KIAA0825: variants seen among roughly 807,000 people sequenced by gnomAD.
KIAA0825 encodes uncharacterized protein KIAA0825.
KIAA0825 carries 119 observed loss-of-function variants against 147.6 expected under a neutral mutation model. That is an observed-to-expected ratio of 0.81 (90% CI 0.69 to 0.94). The LOEUF (loss-of-function observed/expected upper bound fraction) is 0.94, where lower values mean the gene tolerates loss of function less well. Ranked by LOEUF, KIAA0825 falls within the 40% of genes least tolerant of loss-of-function variation. The pLI, the probability that KIAA0825 is intolerant of heterozygous loss-of-function variation, is 0.00. For synonymous variants in KIAA0825, 470 were observed against 518.1 expected, an observed-to-expected ratio of 0.91 and a Z score of 1.26; for missense variants, 1,381 against 1,472.7, an observed-to-expected ratio of 0.94 and a Z score of 1.02.
At chr5:94,612,484 T>G (rs1311003574) in intron 1 of KIAA0825, among the ~76,000 whole-genome samples, 5 of 152,142 alleles carry the variant, frequency 3.3e-5, no homozygotes, top group African/African-American at 1.2e-4. Context: ...CTGTCAGACG[T>G]GCATTGAGGC....
chr5:94,579,007 C>A lies in KIAA0825; in HGVS notation c.-2+3426G>T, dbSNP rs556871028. Among the ~76,000 whole-genome samples, 147 of 152,288 alleles carry A rather than the reference C, an allele frequency of 9.7e-4. 1 individual carries two copies. Among genetic ancestry groups the A allele is most frequent in the African/African-American group, 3.4e-3 (142 of 41,558 alleles). Reference sequence around the variant, plus strand: ...TGGTCTTGGCTCACTGCAACCTCTGCCTCCTGGGTTCAAGCGATTCTCCTG... The same window carrying A: ...TGGTCTTGGCTCACTGCAACCTCTGACTCCTGGGTTCAAGCGATTCTCCTG... On this transcript the variant is annotated intron_variant, in intron 2 of 20. Coordinates refer to ENST00000682413, the MANE Select transcript of KIAA0825 (RefSeq NM_001145678.3).
chr5:94,265,457 C>G (rs2150136574), intron 20 of KIAA0825, among the ~76,000 whole-genome samples: 1 of 152,266 alleles, frequency 6.6e-6, no homozygotes, highest in South Asian at 2.1e-4. Context: ...AGTGGGATCA[C>G]TCTACTAGTA....
intron 2 of KIAA0825, chr5:94,569,663 A>C (rs1429674561): frequency 2.0e-5 from 7 of 349,718 alleles, no homozygotes; most frequent in Non-Finnish European, 2.7e-5. Flanking sequence ...CGCCTGCCTA[A>C]CCATTCAAAT....
intron 20 of KIAA0825, among the ~76,000 whole-genome samples, chr5:94,261,540 TAAG>T (rs1036492968): frequency 1.3e-5 from 2 of 152,044 alleles, no homozygotes; most frequent in African/African-American, 4.8e-5. Flanking sequence ...GATTGAGAGA[TAAG>T]AAAACAAGAA....
At chr5:94,369,408 G>C (rs1173681860) in intron 20 of KIAA0825, among the ~76,000 whole-genome samples, 2 of 152,076 alleles carry the variant, frequency 1.3e-5, no homozygotes, top group Non-Finnish European at 2.9e-5. Flanking sequence ...ACTTTGCCTT[G>C]ACATATTTAC....
intron 2 of KIAA0825, among the ~76,000 whole-genome samples, chr5:94,557,235 C>CA (rs1776701861): frequency 6.6e-6 from 1 of 152,218 alleles, no homozygotes; most frequent in African/African-American, 2.4e-5. Context: ...ACCTCAGACT[C>CA]CTCCTAACTG....
intron 20 of KIAA0825, among the ~76,000 whole-genome samples, chr5:94,184,593 C>A (rs2149985332): frequency 6.6e-6 from 1 of 152,250 alleles, no homozygotes. Context: ...TTCAACAAAA[C>A]CTCCTATACT....
chr5:94,458,562 G>C (rs1209050952), intron 12 of KIAA0825, among the ~76,000 whole-genome samples: 1 of 151,948 alleles, frequency 6.6e-6, no homozygotes, highest in Non-Finnish European at 1.5e-5. Context: ...GGCTCTTTTG[G>C]GGTATTTTAA....
intron 2 of KIAA0825, among the ~76,000 whole-genome samples, chr5:94,556,187 G>A (rs1718776783): frequency 6.6e-6 from 1 of 151,960 alleles, no homozygotes; most frequent in African/African-American, 2.4e-5. Flanking sequence ...CTAGTAGCTG[G>A]GATTACAGGT....
intron 1 of KIAA0825, among the ~76,000 whole-genome samples, chr5:94,616,205 C>T (rs1194550246): frequency 6.6e-6 from 1 of 152,174 alleles, no homozygotes; most frequent in Non-Finnish European, 1.5e-5. Flanking sequence ...TAATCAAATA[C>T]ACATTAGTAT....
At chr5:94,249,618 T>A (rs1775836651) in intron 20 of KIAA0825, among the ~76,000 whole-genome samples, 1 of 152,030 alleles carries the variant, frequency 6.6e-6, no homozygotes, top group Non-Finnish European at 1.5e-5. Context: ...ACCCCAGGGC[T>A]CTGATAACCT....
chr5:94,323,436 A>G (rs765511235), intron 20 of KIAA0825, among the ~76,000 whole-genome samples: 17 of 151,708 alleles, frequency 1.1e-4, no homozygotes, highest in Non-Finnish European at 2.1e-4. Flanking sequence ...TGTCTCTCCA[A>G]TCTCTCAGCA....
chr5:94,287,207 C>T (rs1431298056), intron 20 of KIAA0825, among the ~76,000 whole-genome samples: 1 of 152,194 alleles, frequency 6.6e-6, no homozygotes, highest in African/African-American at 2.4e-5. Flanking sequence ...TACTACGTTA[C>T]CTTCAGCTAC....
intron 20 of KIAA0825, among the ~76,000 whole-genome samples, chr5:94,219,795 C>T (rs1387028634): frequency 6.6e-6 from 1 of 152,110 alleles, no homozygotes; most frequent in East Asian, 1.9e-4. Flanking sequence ...AGGGCACTTA[C>T]CATGAATAGG....
chr5:94,516,246 G>A (rs1389606631), intron 5 of KIAA0825, among the ~76,000 whole-genome samples: 2 of 152,170 alleles, frequency 1.3e-5, no homozygotes, highest in Non-Finnish European at 2.9e-5. Flanking sequence ...TGAATTAGTG[G>A]CAGACAGAAT....
intron 20 of KIAA0825, among the ~76,000 whole-genome samples, chr5:94,176,461 C>T (rs1193720693): frequency 6.6e-6 from 1 of 152,124 alleles, no homozygotes; most frequent in Non-Finnish European, 1.5e-5. Flanking sequence ...GGTGGAGACA[C>T]CCCCATCAGT....
chr5:94,508,082 T>C (rs1765978115), intron 5 of KIAA0825, among the ~76,000 whole-genome samples: 1 of 152,206 alleles, frequency 6.6e-6, no homozygotes, highest in Non-Finnish European at 1.5e-5. Context: ...CTTAGTTTTA[T>C]AGGCACCAGT....
intron 5 of KIAA0825, among the ~76,000 whole-genome samples, chr5:94,495,163 G>A (rs1764209862): frequency 6.6e-6 from 1 of 152,192 alleles, no homozygotes; most frequent in African/African-American, 2.4e-5. Flanking sequence ...GGTGAAAATA[G>A]CAATCCCTAG....
intron 2 of KIAA0825, among the ~76,000 whole-genome samples, chr5:94,566,075 G>T (rs1021750255): frequency 2.6e-5 from 4 of 152,056 alleles, no homozygotes; most frequent in African/African-American, 7.2e-5. Flanking sequence ...TGTCCTCCAG[G>T]TTCATCCATA....
Sources: allele counts gnomAD v4.1 joint callset (sites outside exome capture counted in the v4.1 genomes callset), GRCh38; gene constraint gnomAD v4.1.1; transcripts MANE v1.5; gene names NCBI Gene and HGNC (gene_info 2026-07-23, HGNC 2026-07-21).